The following TMEM87B variants were observed in gnomAD, a reference collection of about 807,000 sequenced individuals.
TMEM87B encodes the protein transmembrane protein 87B.
A neutral mutation model predicts 80.3 loss-of-function variants in TMEM87B; 83 were observed. The observed-to-expected ratio is 1.03, with a 90% CI of 0.87 to 1.24. The LOEUF is 1.24. Ranked by LOEUF, TMEM87B falls within the 50% of genes most tolerant of loss-of-function variation. The pLI is 0.00. For synonymous variants in TMEM87B, 219 were observed against 230.5 expected, an observed-to-expected ratio of 0.95 and a Z score of 0.45; for missense variants, 625 against 674.4, an observed-to-expected ratio of 0.93 and a Z score of 0.81.
intron 11 of TMEM87B, among the ~76,000 whole-genome samples, chr2:112,093,464 A>G (rs1000083914): frequency 3.3e-5 from 5 of 152,228 alleles, no homozygotes; most frequent in African/African-American, 1.2e-4. Context: ...TTAAAGACTT[A>G]CCAAATTATA....
intron 1 of TMEM87B, 96 bp downstream of exon 1, chr2:112,055,852 GC>G: frequency 7.3e-7 from 1 of 1,378,156 alleles, no homozygotes; most frequent in Non-Finnish European, 9.5e-7. Flanking sequence ...CCCTGCCTCT[GC>G]CGGGTCAGCA....
chr2:112,073,348 A>G (rs1354624245), intron 4 of TMEM87B, among the ~76,000 whole-genome samples: 1 of 152,088 alleles, frequency 6.6e-6, no homozygotes, highest in Non-Finnish European at 1.5e-5. Context: ...TTCTGCCTTA[A>G]TTTCATTATT....
At chr2:112,058,489 G>T (rs1413251859) in intron 1 of TMEM87B, among the ~76,000 whole-genome samples, 1 of 152,226 alleles carries the variant, frequency 6.6e-6, no homozygotes, top group Non-Finnish European at 1.5e-5. Context: ...AGTGGGCACA[G>T]AATTGCCACA....
chr2:112,099,525 CATATAT>C (rs778514391), intron 14 of TMEM87B, among the ~76,000 whole-genome samples: 7,921 of 122,744 alleles, frequency 0.065, 273 homozygotes, highest in Middle Eastern at 0.13. Context: ...TACAATAATA[CATATAT>C]ATATATATAT....
intron 10 of TMEM87B, among the ~76,000 whole-genome samples, chr2:112,090,318 C>G (rs1679263278): frequency 6.6e-6 from 1 of 152,140 alleles, no homozygotes; most frequent in African/African-American, 2.4e-5. Flanking sequence ...CCCTAGATTT[C>G]TAGCTTCAGT....
intron 4 of TMEM87B, among the ~76,000 whole-genome samples, chr2:112,069,038 A>G (rs1678532372): frequency 6.7e-6 from 1 of 150,186 alleles, no homozygotes; most frequent in Non-Finnish European, 1.5e-5. Flanking sequence ...TAAAAATACA[A>G]AAAATTAGCC....
intron 6 of TMEM87B, among the ~76,000 whole-genome samples, chr2:112,080,250 T>A (rs540507185): frequency 1.4e-4 from 21 of 148,672 alleles, no homozygotes; most frequent in South Asian, 6.4e-4. Context: ...CTTTTTTTTT[T>A]AATTTTTTTT....
intron 14 of TMEM87B, among the ~76,000 whole-genome samples, chr2:112,099,903 A>T (rs974541903): frequency 1.8e-4 from 27 of 148,246 alleles, no homozygotes; most frequent in African/African-American, 6.8e-4. Context: ...AAAAAAAACC[A>T]CAAAAAAAAC....
intron 11 of TMEM87B, among the ~76,000 whole-genome samples, chr2:112,095,019 A>G (rs758529265): frequency 2.5e-4 from 38 of 151,872 alleles, no homozygotes; most frequent in African/African-American, 8.0e-4. Flanking sequence ...AATATAACCA[A>G]TCCTCTAAGA....
chr2:112,055,700 C>G lies in TMEM87B; in HGVS notation c.109C>G (p.Pro37Ala), dbSNP rs532353568. 1.3e-6 allele frequency: 2 copies of G among 1,550,768 alleles called. No homozygotes were observed. Among genetic ancestry groups the G allele is most frequent in the Non-Finnish European group, 1.7e-6 (2 of 1,155,554 alleles). Residue 37 changes from proline to alanine, a missense_variant, in exon 1 of 19, where the codon CCG becomes GCG. Physicochemically the swap from Pro to Ala is conservative, Grantham distance 27 (BLOSUM62 -1). Transcript: ENST00000283206. ...CGCCCTCTGCCTCCTGTGCTGGACC[C>G]CGGCGGCTGTGCGCGCGGTCCCTGA... ...RVALCLLCWT[P>A]AAVRAVPELG...
chr2:112,059,899 ACT>A (rs1182587390), intron 1 of TMEM87B, 76 bp from the exon 2 acceptor site: 5 of 1,521,306 alleles, frequency 3.3e-6, no homozygotes, highest in Non-Finnish European at 3.6e-6. Flanking sequence ...AAGGCTTAGA[ACT>A]CTATATGTTG....
chr2:112,068,272 A>G (rs1678499712), intron 4 of TMEM87B, among the ~76,000 whole-genome samples: 3 of 152,222 alleles, frequency 2.0e-5, no homozygotes, highest in Non-Finnish European at 4.4e-5. Context: ...TAGTGAGATT[A>G]TGAGGCATTT....
chr2:112,112,544 C>T (rs1476424246), intron 17 of TMEM87B, among the ~76,000 whole-genome samples: 1 of 152,198 alleles, frequency 6.6e-6, no homozygotes, highest in African/African-American at 2.4e-5. Context: ...ACATCAGGAG[C>T]CCACTTTCCC....
intron 4 of TMEM87B, among the ~76,000 whole-genome samples, chr2:112,069,085 G>A (rs1484096246): frequency 1.3e-5 from 2 of 151,304 alleles, no homozygotes; most frequent in Non-Finnish European, 2.9e-5. Flanking sequence ...CCAGCTACTC[G>A]GGAGGCTGAG....
intron 9 of TMEM87B, among the ~76,000 whole-genome samples, chr2:112,086,848 C>T (rs1679160376): frequency 6.6e-6 from 1 of 152,146 alleles, no homozygotes; most frequent in Non-Finnish European, 1.5e-5. Context: ...GACCTCACCT[C>T]CCCACCTCTC....
chr2:112,071,104 A>T (rs747793892), intron 4 of TMEM87B, among the ~76,000 whole-genome samples: 15 of 151,728 alleles, frequency 9.9e-5, no homozygotes, highest in African/African-American at 3.1e-4. Context: ...GATTACAGGC[A>T]TGAGCCACTG....
At chr2:112,098,111 T>A (rs968565906) in intron 13 of TMEM87B, among the ~76,000 whole-genome samples, 1 of 152,072 alleles carries the variant, frequency 6.6e-6, no homozygotes, top group African/African-American at 2.4e-5. Flanking sequence ...AGTCGAGTGA[T>A]GTTTTCTATG....
At chr2:112,107,891 A>G in intron 17 of TMEM87B, 51 bp downstream of exon 17, 1 of 1,302,724 alleles carries the variant, frequency 7.7e-7, no homozygotes, top group Non-Finnish European at 1.1e-6. Context: ...CTGTAGTTTA[A>G]AAGGGATCGT....
At chr2:112,065,481 CAAAAAATT>C (rs928474558) in intron 3 of TMEM87B, among the ~76,000 whole-genome samples, 6 of 151,712 alleles carry the variant, frequency 4.0e-5, no homozygotes, top group African/African-American at 1.2e-4. Context: ...CCTGTCTCTA[CAAAAAATT>C]AAAAAATTAG....
Sources: gnomAD v4.1 joint callset for allele counts (sites outside exome capture counted in the v4.1 genomes callset) on GRCh38, gnomAD v4.1.1 for gene constraint, MANE v1.5 for transcripts, NCBI Gene and HGNC (gene_info 2026-07-23, HGNC 2026-07-21) for gene names.